Variants in SLC37A1 observed in about 807,000 individuals in gnomAD.
SLC37A1 encodes the protein glucose-6-phosphate exchanger SLC37A1.
A neutral mutation model predicts 75.3 loss-of-function variants in SLC37A1; 49 were observed. That is an observed-to-expected ratio of 0.65 (90% CI 0.52 to 0.83). The LOEUF (loss-of-function observed/expected upper bound fraction) is 0.83, where lower values mean the gene tolerates loss of function less well. Among genes scored for constraint, SLC37A1 ranks in the 40% least tolerant of loss-of-function variants. The probability of loss-of-function intolerance (pLI) is 0.00; values close to 1 mark genes in which losing one functional copy is unlikely to be tolerated. For synonymous variants in SLC37A1, 268 were observed against 292.1 expected, an observed-to-expected ratio of 0.92 and a Z score of 0.84; for missense variants, 566 against 695.0, an observed-to-expected ratio of 0.81 and a Z score of 2.09.
chr21:42,544,909 C>T (rs2055368915), intron 8 of SLC37A1, among the ~76,000 whole-genome samples: 1 of 152,188 alleles, frequency 6.6e-6, no homozygotes, highest in Non-Finnish European at 1.5e-5. Flanking sequence ...CTGGGTGTCT[C>T]CTGCCTGAGG....
intron 18 of SLC37A1, chr21:42,575,593 G>T: frequency 1.0e-6 from 1 of 985,336 alleles, no homozygotes; most frequent in Non-Finnish European, 1.2e-6. Flanking sequence ...CAGCTGTGAG[G>T]GGTGCATACA....
At chr21:42,556,982 C>A (rs148122666) in intron 10 of SLC37A1, among the ~76,000 whole-genome samples, 92 of 152,334 alleles carry the variant, frequency 6.0e-4, no homozygotes, top group African/African-American at 2.1e-3. Flanking sequence ...GGGTCTGTGT[C>A]TGTGGCTTTA....
chr21:42,524,117 C>T (rs779347825), intron 2 of SLC37A1, among the ~76,000 whole-genome samples: 2 of 152,076 alleles, frequency 1.3e-5, no homozygotes, highest in Non-Finnish European at 2.9e-5. Context: ...CTGTGTAGGA[C>T]GCCGCCTTAG....
chr21:42,528,720 T>C (rs538710381), intron 3 of SLC37A1, among the ~76,000 whole-genome samples: 35 of 152,156 alleles, frequency 2.3e-4, no homozygotes, highest in African/African-American at 8.2e-4. Context: ...TCCCAGCTAC[T>C]GGGGAGGCTG....
At chr21:42,537,370 T>C (rs758123832) in intron 5 of SLC37A1, among the ~76,000 whole-genome samples, 9 of 152,180 alleles carry the variant, frequency 5.9e-5, no homozygotes, top group Non-Finnish European at 1.0e-4. Context: ...AGGTCAAATG[T>C]TTATATTCCC....
chr21:42,579,720 C>CTTTGTTTT lies in SLC37A1; in HGVS notation c.1522-15_1522-8dup. Reference sequence around the variant, plus strand: ...CTGCTCCAGTAACAGGTGGGCTCACCTTTGTTTTGGTGCAGTTCCTGATCC... The same window carrying CTTTGTTTT: ...CTGCTCCAGTAACAGGTGGGCTCACCTTTGTTTTTTTGTTTTGGTGCAGTTCCTGATCC... On this transcript the variant is annotated splice_polypyrimidine_tract_variant and intron_variant, in intron 18 of 19. Transcript: ENST00000352133. The CTTTGTTTT allele has an allele frequency of 6.2e-7, 1 of 1,614,076 alleles. No homozygotes were observed. Among genetic ancestry groups the CTTTGTTTT allele is most frequent in the Non-Finnish European group, 8.5e-7 (1 of 1,180,002 alleles).
intron 18 of SLC37A1, among the ~76,000 whole-genome samples, chr21:42,577,108 C>T (rs1380409204): frequency 6.6e-6 from 1 of 152,138 alleles, no homozygotes; most frequent in Non-Finnish European, 1.5e-5. Context: ...GAAGTGAAAA[C>T]ATTTTTAACC....
chr21:42,507,120 C>T (rs1190625061), intron 2 of SLC37A1, among the ~76,000 whole-genome samples: 2 of 152,158 alleles, frequency 1.3e-5, no homozygotes, highest in East Asian at 3.9e-4. Context: ...TGAGCTCAGG[C>T]AATCCACTTG....
In SLC37A1 at chr21:42,539,588, C is replaced by T; in HGVS notation, c.427C>T (p.Leu143=). The T allele has an allele frequency of 1.2e-6, 2 of 1,614,046 alleles. No individual in the cohort carries two copies. The highest frequency in any genetic ancestry group is 2.2e-5 in the South Asian group (2 of 91,064). Residue 143 remains leucine (L), a synonymous_variant, in exon 6 of 20, where the codon CTG becomes TTG. Coordinates refer to ENST00000352133, the MANE Select transcript of SLC37A1 (RefSeq NM_001320537.2). ...GCTCGCCAGCGGAGCCTTCACCGCCCTGTTCGGCTTAGGGTATTTCTACAA... is the reference window on the plus strand; with the variant it reads ...GCTCGCCAGCGGAGCCTTCACCGCCTTGTTCGGCTTAGGGTATTTCTACAA... ...GMLASGAFTA[L]FGLGYFYNIH...
At chr21:42,535,879 G>A (rs1466052697) in intron 5 of SLC37A1, among the ~76,000 whole-genome samples, 2 of 152,248 alleles carry the variant, frequency 1.3e-5, no homozygotes, top group African/African-American at 4.8e-5. Context: ...TTCAGGAACA[G>A]AGGACTAGTT....
Position 42,534,760 on chromosome 21 carries a change from C to T in SLC37A1, c.201C>T (p.Asn67=). ...CTGACGTCAGGTTCAGCAGCCAGAA[C>T]AGGAAGTCTGGGTCCGCTGCCCCCC... The part of the protein sequence containing the change: ...DEADVRFSSQ[N]RKSGSAAPHQ... The change falls in exon 4 of 20, where the codon AAC becomes AAT. Residue 67 remains asparagine (N), a synonymous_variant. Transcript: ENST00000352133. The T allele has an allele frequency of 6.2e-7, 1 of 1,614,102 alleles. No homozygotes were observed. The highest frequency in any genetic ancestry group is 8.5e-7 in the Non-Finnish European group (1 of 1,179,988).
chr21:42,530,194 C>T (rs228042), intron 3 of SLC37A1, among the ~76,000 whole-genome samples: 82,398 of 151,986 alleles, frequency 0.54, 22,965 homozygotes, highest in Admixed American at 0.66. Context: ...CCAGGAGGTA[C>T]TTTGAGTAAG....
At position 42,543,542 on chromosome 21, in the gene SLC37A1, G is replaced by C. The variant is rs138206056; in HGVS notation, c.670G>C (p.Val224Leu). 1.2e-6 allele frequency: 2 copies of C among 1,613,832 alleles called. No individual in the cohort carries two copies. The highest frequency in any genetic ancestry group is 1.7e-6 in the Non-Finnish European group (2 of 1,179,852). The change falls in exon 8 of 20, where the codon GTC (valine) becomes CTC (leucine). Residue 224 changes from valine (V) to leucine (L), a missense_variant. Transcript: ENST00000352133. ...GTCCACATGCTGGGGCCTGTCCTTCGTCGTGCCTGGAGCCATCGTGGCAGC... is the reference window on the plus strand; with the variant it reads ...GTCCACATGCTGGGGCCTGTCCTTCCTCGTGCCTGGAGCCATCGTGGCAGC... ...WVSTCWGLSFVVPGAIVAAMG... is the reference protein window; with the variant it reads ...WVSTCWGLSFLVPGAIVAAMG...
chr21:42,580,460 C>T lies in SLC37A1; in HGVS notation c.*100C>T, dbSNP rs974140734. The T allele has an allele frequency of 1.2e-5, 16 of 1,364,974 alleles. No homozygotes were observed. The highest frequency in any genetic ancestry group is 1.5e-5 in the Non-Finnish European group (15 of 996,688). The allele number at this position is 1,364,974 out of a possible 1,614,324, so 84.6% of individuals were successfully genotyped here. The stretch of plus-strand genomic sequence containing the variant: ...GGGCCCTGCATGGAAAGAGTGACCT[C>T]CCTTTGCCTTTTGCACACGCACCTG... On this transcript the variant is annotated 3_prime_UTR_variant, in exon 20 of 20. Coordinates refer to ENST00000352133, the MANE Select transcript of SLC37A1 (RefSeq NM_001320537.2).
intron 2 of SLC37A1, among the ~76,000 whole-genome samples, chr21:42,523,434 G>A (rs2054701816): frequency 6.6e-6 from 1 of 152,236 alleles, no homozygotes; most frequent in Non-Finnish European, 1.5e-5. Context: ...GGCCGGTGAA[G>A]CCCAGTGGCC....
intron 3 of SLC37A1, among the ~76,000 whole-genome samples, chr21:42,531,240 C>T (rs755860011): frequency 6.6e-6 from 1 of 152,206 alleles, no homozygotes; most frequent in Non-Finnish European, 1.5e-5. Flanking sequence ...GCACACTCGT[C>T]GCGCTGTGAC....
chr21:42,551,803 T>TTTTTGTTTTG (rs374568400), intron 9 of SLC37A1, among the ~76,000 whole-genome samples: 7 of 150,956 alleles, frequency 4.6e-5, no homozygotes, highest in African/African-American at 7.4e-5. Flanking sequence ...TCAATGGTTT[T>TTTTTGTTTTG]TTTTGTTTTG....
chr21:42,501,345 G>T (rs747365626), intron 1 of SLC37A1, among the ~76,000 whole-genome samples: 1 of 152,192 alleles, frequency 6.6e-6, no homozygotes, highest in Non-Finnish European at 1.5e-5. Flanking sequence ...AGTACTAGGG[G>T]ATTACAAGGA....
At chr21:42,565,958 C>G in intron 15 of SLC37A1, 83 bp downstream of exon 15, 1 of 1,407,736 alleles carries the variant, frequency 7.1e-7, no homozygotes, top group Non-Finnish European at 1.0e-6. Context: ...CTAAAATCAA[C>G]AGGCGCATTG....
Sources: allele counts gnomAD v4.1 joint callset (sites outside exome capture counted in the v4.1 genomes callset), GRCh38; gene constraint gnomAD v4.1.1; transcripts MANE v1.5; gene names NCBI Gene and HGNC (gene_info 2026-07-23, HGNC 2026-07-21).